ACY1: variants seen among roughly 807,000 people sequenced by gnomAD.
ACY1 encodes aminoacylase-1.
ACY1 carries 38 observed loss-of-function variants against 53.3 expected under a neutral mutation model. That is an observed-to-expected ratio of 0.71 (90% CI 0.55 to 0.93). ACY1 has a LOEUF of 0.93. Ranked by LOEUF, ACY1 falls within the 40% of genes least tolerant of loss-of-function variation. The pLI is 0.00. For synonymous variants in ACY1, 177 were observed against 202.1 expected (o/e 0.88, Z 1.05); for missense variants, 484 against 540.9 (o/e 0.89, Z 1.04).
chr3:51,987,526 T>C, intron 11 of ACY1, 30 bp from the exon 12 acceptor site: 2 of 1,614,000 alleles, frequency 1.2e-6, no homozygotes, highest in Non-Finnish European at 1.7e-6. Context: ...CTGGAAAGCC[T>C]GAAGGATCAG....
intron 10 of ACY1, 55 bp from the exon 11 acceptor site, chr3:51,987,254 A>C: frequency 6.2e-7 from 1 of 1,613,996 alleles, no homozygotes; most frequent in Non-Finnish European, 8.5e-7. Flanking sequence ...CAGAGGATAG[A>C]GTCTGAGCCA....
rs201015248 is a variant in ACY1 at position 51,988,842 on chromosome 3, A to G, written c.1062+16A>G. The G allele has an allele frequency of 4.2e-5, 67 of 1,614,056 alleles. No individual in the cohort carries two copies. The highest frequency in any genetic ancestry group is 5.5e-5 in the Non-Finnish European group (65 of 1,180,030). On this transcript the variant is annotated intron_variant, in intron 14 of 14. Transcript: ENST00000636358. ...TATCCGCGCGGTGAGCCACTTGCAT[A>G]TAGTGCCTGGGCAGTGGACTGGGCC... is the stretch of plus-strand genomic sequence containing the variant.
intron 8 of ACY1, 89 bp downstream of exon 8, chr3:51,986,750 G>A: frequency 1.3e-6 from 2 of 1,539,914 alleles, no homozygotes; most frequent in East Asian, 2.2e-5. Context: ...GCACAGCAAA[G>A]TTGAGGCCTG....
In ACY1 at chr3:51,989,031, CTGCCTGCCCTTGCCAGTG is replaced by C. The variant is rs773133252; in HGVS notation, c.1194_1211del (p.Ala399_Leu404del). The stretch of plus-strand genomic sequence containing the variant: ...TGGGGTGGACATATATACACGCCTG[CTGCCTGCCCTTGCCAGTG>C]TGCCTGCCCTGCCCAGTGACAGCTG... On this transcript the variant is annotated inframe_deletion, in exon 15 of 15. Transcript: ENST00000636358. 7 of 1,613,988 alleles carry C rather than the reference CTGCCTGCCCTTGCCAGTG, an allele frequency of 4.3e-6. No individual in the cohort carries two copies. The highest frequency in any genetic ancestry group is 1.1e-5 in the South Asian group (1 of 91,090).
At chr3:51,987,745 C>T (rs1701126793) in intron 12 of ACY1, 121 bp downstream of exon 12, 7 of 1,086,252 alleles carry the variant, frequency 6.4e-6, no homozygotes, top group African/African-American at 1.6e-5. Context: ...CTGTGACAGA[C>T]ACATTTTATT....
Position 51,984,092 on chromosome 3 carries a change from C to T in ACY1, c.28C>T (p.His10Tyr), listed in dbSNP as rs760608041. MTSKGPEEEHPSVTLFRQYL... is the reference protein window; with the variant it reads MTSKGPEEEYPSVTLFRQYL... ...GACCAGCAAGGGTCCCGAGGAGGAG[C>T]ACCCATCGGTGACGCTCTTCCGCCA... The change falls in exon 2 of 15, where the codon CAC becomes TAC. Residue 10 changes from histidine to tyrosine, a missense_variant. Coordinates refer to ENST00000636358, the MANE Select transcript of ACY1 (RefSeq NM_000666.3). 14 of 1,613,528 alleles carry T rather than the reference C, an allele frequency of 8.7e-6. No individual in the cohort carries two copies. Among genetic ancestry groups the T allele is most frequent in the Non-Finnish European group, 1.1e-5 (13 of 1,179,994 alleles).
chr3:51,986,140 A>G (rs1050710648), intron 5 of ACY1, 115 bp from the exon 6 acceptor site: 31 of 1,175,912 alleles, frequency 2.6e-5, no homozygotes, highest in Non-Finnish European at 3.2e-5. Context: ...TGGAGTCCCT[A>G]TCAGGGTGTG....
In ACY1 at chr3:51,987,074, C is replaced by T. The variant is rs1460224465; in HGVS notation, c.657+13C>T. ...AGCAGAGAAGCTGGTACGTGGCACC[C>T]CAGGAGGGAGTCTGGGAGTTCAGGA... is the stretch of plus-strand genomic sequence containing the variant. On this transcript the variant is annotated intron_variant, in intron 9 of 14. Coordinates refer to ENST00000636358, the MANE Select transcript of ACY1 (RefSeq NM_000666.3). The T allele has an allele frequency of 6.2e-7, 1 of 1,614,024 alleles. No individual in the cohort carries two copies.
At chr3:51,985,524 C>A in intron 4 of ACY1, 59 bp downstream of exon 4, 1 of 1,536,642 alleles carries the variant, frequency 6.5e-7, no homozygotes, top group Non-Finnish European at 9.0e-7. Flanking sequence ...ATGATGCAGA[C>A]CCCAGGATTC....
Position 51,989,033 on chromosome 3 carries a change from G to C in ACY1, c.1185G>C (p.Leu395=), listed in dbSNP as rs1250663566. 3.1e-6 allele frequency: 5 copies of C among 1,614,032 alleles called. No individual in the cohort carries two copies. In the South Asian group the frequency reaches 5.5e-5, roughly 18 times the overall value. The change falls in exon 15 of 15, where the codon CTG becomes CTC. Residue 395 remains leucine (L), a synonymous_variant. Transcript: ENST00000636358. ...GGGTGGACATATATACACGCCTGCT[G>C]CCTGCCCTTGCCAGTGTGCCTGCCC... The part of the protein sequence containing the change: ...LRGVDIYTRL[L]PALASVPALP...
At position 51,986,416 on chromosome 3, in the gene ACY1, TGAG is replaced by T; in HGVS notation, c.443_445del (p.Glu148del). The T allele has an allele frequency of 6.2e-7, 1 of 1,610,248 alleles. No homozygotes were observed. Among genetic ancestry groups the T allele is most frequent in the Non-Finnish European group, 8.5e-7 (1 of 1,178,120 alleles). The stretch of plus-strand genomic sequence containing the variant: ...CTCACGTCCCTGCTGCTTTTACAGA[TGAG>T]GAGGTTGGGGGTCACCAAGGCATGG... On this transcript the variant is annotated inframe_deletion and splice_region_variant, in exon 7 of 15. Coordinates refer to ENST00000636358, the MANE Select transcript of ACY1 (RefSeq NM_000666.3).
intron 1 of ACY1, 88 bp from the exon 2 acceptor site, chr3:51,983,959 C>T (rs966707096): frequency 1.4e-5 from 14 of 967,386 alleles, no homozygotes; most frequent in South Asian, 6.4e-5. Flanking sequence ...GTGGGAAGTC[C>T]GGGAGCCGCC....
intron 2 of ACY1, chr3:51,984,872 G>T: frequency 1.3e-5 from 5 of 383,948 alleles, no homozygotes; most frequent in Admixed American, 3.8e-5. Flanking sequence ...TGGGAATTGT[G>T]TACATGGGTC....
chr3:51,988,311 G>A, intron 12 of ACY1: 2 of 636,320 alleles, frequency 3.1e-6, no homozygotes, highest in Middle Eastern at 3.5e-4. Context: ...AGGATGGACA[G>A]GAGGTAAGTA....
At position 51,986,475 on chromosome 3, in the gene ACY1, C is replaced by T. The variant is rs1701062065; in HGVS notation, c.497C>T (p.Ala166Val). The T allele has an allele frequency of 6.2e-7, 1 of 1,613,826 alleles. No homozygotes were observed. Among genetic ancestry groups the T allele is most frequent in the African/African-American group, 1.3e-5 (1 of 74,894 alleles). The stretch of plus-strand genomic sequence containing the variant: ...TTCGTGCAGCGGCCTGAGTTCCACG[C>T]CCTGAGGGCAGGCTTTGCCCTGGAT... Reference protein sequence around the residue: ...ELFVQRPEFHALRAGFALDEG... With the variant: ...ELFVQRPEFHVLRAGFALDEG... The change falls in exon 7 of 15, where the codon GCC becomes GTC. Residue 166 changes from alanine to valine, a missense_variant. Coordinates refer to ENST00000636358, the MANE Select transcript of ACY1 (RefSeq NM_000666.3).
intron 5 of ACY1, 65 bp downstream of exon 5, chr3:51,986,011 C>T (rs894316434): frequency 1.0e-5 from 15 of 1,480,638 alleles, no homozygotes; most frequent in African/African-American, 2.8e-5. Context: ...GAAGCAGGAC[C>T]TGAGGGGGTG....
At chr3:51,986,013 G>A in intron 5 of ACY1, 67 bp downstream of exon 5, 1 of 1,478,434 alleles carries the variant, frequency 6.8e-7, no homozygotes, top group Middle Eastern at 1.7e-4. Context: ...AGCAGGACCT[G>A]AGGGGGTGAT....
Position 51,987,451 on chromosome 3 carries a change from A to C in ACY1, c.850A>C (p.Lys284Gln). 1 of 1,614,114 alleles carries C rather than the reference A, an allele frequency of 6.2e-7. No individual in the cohort carries two copies. Residue 284 changes from lysine to glutamine, a missense_variant and splice_region_variant, in exon 11 of 15, where the codon AAG becomes CAG. By Grantham distance (53) the Lys-to-Gln change is moderately conservative (BLOSUM62 1). Transcript: ENST00000636358. ...CCGTGTGGCACCGGATGTGGACTTCAAGGTGCCACCTCCACCTGGGTTTGG... is the reference window on the plus strand; with the variant it reads ...CCGTGTGGCACCGGATGTGGACTTCCAGGTGCCACCTCCACCTGGGTTTGG... The part of the protein sequence containing the change: ...DFRVAPDVDF[K>Q]AFEEQLQSWC...
chr3:51,984,019 G>C, intron 1 of ACY1, 28 bp from the exon 2 acceptor site: 2 of 1,525,194 alleles, frequency 1.3e-6, no homozygotes, highest in Non-Finnish European at 9.1e-7. Flanking sequence ...GTCTTGGAGG[G>C]GTAGTTAGCC....
Sources: gnomAD v4.1 joint callset for allele counts on GRCh38, gnomAD v4.1.1 for gene constraint, MANE v1.5 for transcripts, NCBI Gene and HGNC (gene_info 2026-07-23, HGNC 2026-07-21) for gene names.